The following PHACTR1 variants were observed in gnomAD, a reference collection of about 807,000 sequenced individuals.
PHACTR1 encodes the protein phosphatase and actin regulator 1.
A neutral mutation model predicts 69.2 loss-of-function variants in PHACTR1; 16 were observed. The observed-to-expected ratio is 0.23, with a 90% CI of 0.16 to 0.35. The LOEUF is 0.35. Ranked by LOEUF, PHACTR1 falls within the 10% of genes least tolerant of loss-of-function variation. PHACTR1 has a pLI of 1.00. For synonymous variants in PHACTR1, 312 were observed against 284.5 expected (o/e 1.10, Z -0.97); for missense variants, 510 against 734.7 (o/e 0.69, Z 3.54).
rs576354239 is a variant in PHACTR1 at position 12,783,361 on chromosome 6, A to T, written c.250+33571A>T. ...AATGCCTTTCATTAAAAAAAATTGG[A>T]TTAATGTTGGTTCAAAGTATAATAA... On this transcript the variant is annotated intron_variant, in intron 4 of 14. Coordinates refer to ENST00000332995, the MANE Select transcript of PHACTR1 (RefSeq NM_030948.6). Among the ~76,000 whole-genome samples, 4 of 152,332 alleles carry T rather than the reference A, an allele frequency of 2.6e-5. No individual in the cohort carries two copies. The South Asian group carries it at 8.3e-4, about 32-fold the overall frequency.
At chr6:12,832,224 TAGC>T (rs1282096884) in intron 4 of PHACTR1, among the ~76,000 whole-genome samples, 2 of 152,112 alleles carry the variant, frequency 1.3e-5, no homozygotes, top group African/African-American at 2.4e-5. Context: ...ATTCTCAAGA[TAGC>T]AGTCTGAAAT....
intron 3 of PHACTR1, among the ~76,000 whole-genome samples, chr6:12,748,410 G>A (rs1328703216): frequency 2.6e-5 from 4 of 152,132 alleles, no homozygotes; most frequent in Non-Finnish European, 5.9e-5. Flanking sequence ...TAGCAGGGAG[G>A]GAAGCAAGGT....
At chr6:13,063,779 GAA>G (rs201447462) in intron 5 of PHACTR1, among the ~76,000 whole-genome samples, 3 of 139,670 alleles carry the variant, frequency 2.1e-5, no homozygotes, top group Non-Finnish European at 3.1e-5. Context: ...GACCCTGTCT[GAA>G]AAAAAAAAAA....
chr6:12,745,215 A>G (rs1014118311), intron 3 of PHACTR1, among the ~76,000 whole-genome samples: 1 of 152,154 alleles, frequency 6.6e-6, no homozygotes, highest in Non-Finnish European at 1.5e-5. Context: ...ATCCTCTTCC[A>G]TAGCAGTTGG....
At chr6:13,271,539 A>T (rs904996977) in intron 10 of PHACTR1, among the ~76,000 whole-genome samples, 2 of 152,200 alleles carry the variant, frequency 1.3e-5, no homozygotes, top group African/African-American at 4.8e-5. Flanking sequence ...TCCCTTGGAT[A>T]CCAAAATCCA....
intron 5 of PHACTR1, among the ~76,000 whole-genome samples, chr6:13,132,514 A>G (rs1418716880): frequency 2.0e-5 from 3 of 152,210 alleles, no homozygotes; most frequent in Non-Finnish European, 2.9e-5. Flanking sequence ...GGTTTGTGAC[A>G]TAGTGATGGT....
At chr6:12,901,319 A>G (rs1335002581) in intron 4 of PHACTR1, among the ~76,000 whole-genome samples, 1 of 152,208 alleles carries the variant, frequency 6.6e-6, no homozygotes, top group East Asian at 1.9e-4. Context: ...TGAAGAAAGT[A>G]GAGGATACCT....
intron 4 of PHACTR1, among the ~76,000 whole-genome samples, chr6:13,026,291 C>T (rs1801687957): frequency 6.6e-6 from 1 of 152,072 alleles, no homozygotes; most frequent in Non-Finnish European, 1.5e-5. Context: ...AACAGAGCGC[C>T]CCTGGGAATC....
At position 13,190,011 on chromosome 6, in the gene PHACTR1, A is replaced by G. The variant is rs1252020323; in HGVS notation, c.664+7325A>G. On this transcript the variant is annotated intron_variant, in intron 7 of 14. Transcript: ENST00000332995. ...ACAGGGAGAGAGAAAGAGATCTCTG[A>G]TATCTCTTCTGCTTTTTTTTTTTTT... Among the ~76,000 whole-genome samples, 10 of 142,174 alleles carry G rather than the reference A, an allele frequency of 7.0e-5. No homozygotes were observed. In the South Asian group the frequency reaches 2.2e-3, roughly 31 times the overall value. 93.3% of individuals were successfully genotyped at this position (142,174 alleles called of 152,430 possible).
chr6:12,846,982 T>C (rs973964447), intron 4 of PHACTR1, among the ~76,000 whole-genome samples: 11 of 136,452 alleles, frequency 8.1e-5, no homozygotes, highest in African/African-American at 3.3e-4. Flanking sequence ...CTAATTTTTT[T>C]CTTTGTTTTT....
intron 7 of PHACTR1, among the ~76,000 whole-genome samples, chr6:13,203,063 A>G (rs1365979518): frequency 6.6e-6 from 1 of 152,252 alleles, no homozygotes; most frequent in Non-Finnish European, 1.5e-5. Context: ...TCTCAGCGGT[A>G]GGATCAGAAG....
chr6:12,868,680 A>G (rs1294408398), intron 4 of PHACTR1, among the ~76,000 whole-genome samples: 1 of 152,206 alleles, frequency 6.6e-6, no homozygotes, highest in African/African-American at 2.4e-5. Context: ...CTTTCTTACT[A>G]CTCTGAAAAT....
intron 4 of PHACTR1, among the ~76,000 whole-genome samples, chr6:12,830,237 A>G (rs1366981965): frequency 6.6e-6 from 1 of 150,918 alleles, no homozygotes; most frequent in Non-Finnish European, 1.5e-5. Context: ...TGAACTAAAA[A>G]CTCCAGTCAA....
At chr6:13,167,012 C>T (rs1759905732) in intron 6 of PHACTR1, among the ~76,000 whole-genome samples, 1 of 152,200 alleles carries the variant, frequency 6.6e-6, no homozygotes, top group Admixed American at 6.5e-5. Flanking sequence ...GCGAGGATCT[C>T]ACGAAGTCAC....
chr6:13,082,150 C>T (rs1308144832), intron 5 of PHACTR1, among the ~76,000 whole-genome samples: 1 of 152,130 alleles, frequency 6.6e-6, no homozygotes, highest in Non-Finnish European at 1.5e-5. Context: ...TATTCTGCCT[C>T]CTACTTCCAC....
intron 4 of PHACTR1, among the ~76,000 whole-genome samples, chr6:12,860,606 C>T (rs1780842945): frequency 6.6e-6 from 1 of 152,178 alleles, no homozygotes; most frequent in Non-Finnish European, 1.5e-5. Flanking sequence ...AATTTACACT[C>T]CCACCAACAG....
chr6:12,955,000 C>T (rs113863557), intron 4 of PHACTR1, among the ~76,000 whole-genome samples: 1,911 of 152,096 alleles, frequency 0.013, 45 homozygotes, highest in African/African-American at 0.043. Flanking sequence ...AAAACACTTA[C>T]CAATATTCAG....
At chr6:12,923,857 A>T (rs1028128449) in intron 4 of PHACTR1, among the ~76,000 whole-genome samples, 1 of 152,198 alleles carries the variant, frequency 6.6e-6, no homozygotes, top group African/African-American at 2.4e-5. Flanking sequence ...AGTGAGAGAG[A>T]TGATGACTAA....
At chr6:13,200,972 A>G (rs1463158662) in intron 7 of PHACTR1, among the ~76,000 whole-genome samples, 1 of 152,048 alleles carries the variant, frequency 6.6e-6, no homozygotes, top group Non-Finnish European at 1.5e-5. Flanking sequence ...AAAAATTAAA[A>G]AAAGAAAGAA....
Sources: gnomAD v4.1 joint callset for allele counts (sites outside exome capture counted in the v4.1 genomes callset) on GRCh38, gnomAD v4.1.1 for gene constraint, MANE v1.5 for transcripts, NCBI Gene and HGNC (gene_info 2026-07-23, HGNC 2026-07-21) for gene names.